OSBPL8: variants seen among roughly 807,000 people sequenced by gnomAD.
OSBPL8 encodes the protein oxysterol-binding protein-related protein 8.
OSBPL8 carries 59 observed loss-of-function variants against 125.5 expected under a neutral mutation model. The observed-to-expected ratio is 0.47, with a 90% CI of 0.38 to 0.58. The LOEUF (loss-of-function observed/expected upper bound fraction) is 0.58, where lower values mean the gene tolerates loss of function less well. Among genes scored for constraint, OSBPL8 ranks in the 20% least tolerant of loss-of-function variants. The pLI, the probability that OSBPL8 is intolerant of heterozygous loss-of-function variation, is 0.00. For synonymous variants in OSBPL8, 330 were observed against 338.9 expected (o/e 0.97, Z 0.29); for missense variants, 758 against 1,047.8 (o/e 0.72, Z 3.82).
At chr12:76,448,734 G>T (rs577295982) in intron 4 of OSBPL8, among the ~76,000 whole-genome samples, 35 of 152,260 alleles carry the variant, frequency 2.3e-4, no homozygotes, top group African/African-American at 6.7e-4. Flanking sequence ...TAAAGTAGAG[G>T]ATGGGTGCGG....
chr12:76,466,024 AT>A lies in OSBPL8; in HGVS notation c.43-6130del, dbSNP rs554472922. The stretch of plus-strand genomic sequence containing the variant: ...CTCAAAAAAGAAAAAAAAAAAGTTC[AT>A]TTTTCCACCTACTAAAAAAATCCAT... On this transcript the variant is annotated intron_variant, in intron 2 of 23. Transcript: ENST00000261183. Among the ~76,000 whole-genome samples the A allele has an allele frequency of 1.2e-4, 19 of 152,122 alleles. 1 individual carries two copies. The South Asian group carries it at 3.5e-3, about 28-fold the overall frequency.
intron 4 of OSBPL8, among the ~76,000 whole-genome samples, chr12:76,420,358 C>T (rs1048961109): frequency 2.0e-5 from 3 of 152,024 alleles, no homozygotes; most frequent in African/African-American, 7.2e-5. Context: ...TTTGTACGTA[C>T]TGTTCTAGAG....
intron 16 of OSBPL8, among the ~76,000 whole-genome samples, chr12:76,375,816 G>C (rs892439545): frequency 7.9e-5 from 12 of 151,924 alleles, no homozygotes; most frequent in Non-Finnish European, 4.4e-5. Context: ...TTCACTGGTG[G>C]TTTTGCTGTT....
intron 4 of OSBPL8, among the ~76,000 whole-genome samples, chr12:76,440,321 C>T (rs1592686658): frequency 6.6e-6 from 1 of 152,024 alleles, no homozygotes; most frequent in Non-Finnish European, 1.5e-5. Flanking sequence ...TTTCACATCC[C>T]CGCCAGCATC....
At chr12:76,549,265 T>C (rs774457851) in intron 1 of OSBPL8, among the ~76,000 whole-genome samples, 4 of 152,196 alleles carry the variant, frequency 2.6e-5, no homozygotes, top group Non-Finnish European at 5.9e-5. Flanking sequence ...TAAGAGCAAC[T>C]GAGTATCTAG....
At chr12:76,540,959 A>T (rs1950626494) in intron 1 of OSBPL8, among the ~76,000 whole-genome samples, 1 of 152,190 alleles carries the variant, frequency 6.6e-6, no homozygotes. Flanking sequence ...TTTCCTTTAG[A>T]TACATAGTAG....
chr12:76,487,245 G>T (rs1192583731), intron 2 of OSBPL8, among the ~76,000 whole-genome samples: 1 of 151,848 alleles, frequency 6.6e-6, no homozygotes, highest in African/African-American at 2.4e-5. Flanking sequence ...TGCCCAGGCT[G>T]GTCTTGAACT....
At chr12:76,433,495 G>A (rs1449635087) in intron 4 of OSBPL8, among the ~76,000 whole-genome samples, 1 of 151,894 alleles carries the variant, frequency 6.6e-6, no homozygotes, top group East Asian at 1.9e-4. Context: ...TAAACAAAAA[G>A]AGGTGAAAGA....
intron 1 of OSBPL8, among the ~76,000 whole-genome samples, chr12:76,501,439 A>C (rs1024934802): frequency 1.3e-5 from 2 of 152,258 alleles, no homozygotes; most frequent in Non-Finnish European, 2.9e-5. Context: ...TATGTAGTCC[A>C]CAAAGCCTGA....
chr12:76,391,349 T>A (rs1953547284), intron 10 of OSBPL8, among the ~76,000 whole-genome samples: 1 of 152,062 alleles, frequency 6.6e-6, no homozygotes, highest in African/African-American at 2.4e-5. Flanking sequence ...AAAAAATCTG[T>A]ACAAAAGGGG....
intron 1 of OSBPL8, among the ~76,000 whole-genome samples, chr12:76,538,141 T>C (rs1950548373): frequency 6.6e-6 from 1 of 152,178 alleles, no homozygotes; most frequent in Non-Finnish European, 1.5e-5. Flanking sequence ...GTAGAGAATG[T>C]AGAGGTTAAA....
At chr12:76,454,998 G>A (rs181064907) in intron 3 of OSBPL8, among the ~76,000 whole-genome samples, 4 of 152,016 alleles carry the variant, frequency 2.6e-5, no homozygotes, top group African/African-American at 9.7e-5. Flanking sequence ...ACTCTGGGAG[G>A]CCGAGGCTGG....
At chr12:76,503,699 C>T (rs542487793) in intron 1 of OSBPL8, among the ~76,000 whole-genome samples, 60 of 152,020 alleles carry the variant, frequency 3.9e-4, no homozygotes, top group Middle Eastern at 3.4e-3. Flanking sequence ...CCACCATGCC[C>T]GGCTAATTTT....
At chr12:76,430,581 A>G (rs1411745345) in intron 4 of OSBPL8, among the ~76,000 whole-genome samples, 1 of 152,212 alleles carries the variant, frequency 6.6e-6, no homozygotes, top group African/African-American at 2.4e-5. Flanking sequence ...TTCACAAATA[A>G]TTCAAAATGA....
chr12:76,383,850 A>G (rs188806428), intron 15 of OSBPL8, among the ~76,000 whole-genome samples: 223 of 152,212 alleles, frequency 1.5e-3, no homozygotes, highest in African/African-American at 5.3e-3. Context: ...AGTTAAATAT[A>G]TTTACTGACT....
intron 21 of OSBPL8, among the ~76,000 whole-genome samples, chr12:76,367,046 T>C (rs911705017): frequency 1.3e-5 from 2 of 152,222 alleles, no homozygotes; most frequent in African/African-American, 4.8e-5. Flanking sequence ...TCTATGTGTC[T>C]GCTAGGTCAA....
At chr12:76,412,970 T>G (rs1310379341) in intron 4 of OSBPL8, among the ~76,000 whole-genome samples, 2 of 152,142 alleles carry the variant, frequency 1.3e-5, no homozygotes, top group African/African-American at 4.8e-5. Context: ...ACTACAGTAT[T>G]TACTGCAGTA....
chr12:76,542,210 G>A (rs1457032091), intron 1 of OSBPL8, among the ~76,000 whole-genome samples: 1 of 152,048 alleles, frequency 6.6e-6, no homozygotes, highest in African/African-American at 2.4e-5. Flanking sequence ...AAAGCATAAT[G>A]CTTACTTCAC....
intron 1 of OSBPL8, among the ~76,000 whole-genome samples, chr12:76,552,133 G>C (rs1205295899): frequency 2.0e-5 from 3 of 152,070 alleles, no homozygotes; most frequent in Non-Finnish European, 4.4e-5. Context: ...ATTCACTAGT[G>C]AAAAACTAGT....
Sources: gnomAD v4.1 joint callset for allele counts (sites outside exome capture counted in the v4.1 genomes callset) on GRCh38, gnomAD v4.1.1 for gene constraint, MANE v1.5 for transcripts, NCBI Gene and HGNC (gene_info 2026-07-23, HGNC 2026-07-21) for gene names.